GPR39: variants seen among roughly 807,000 people sequenced by gnomAD.
GPR39 encodes zinc sensing receptor.
Under a neutral mutation model 18.4 loss-of-function variants are expected in GPR39, and 23 were observed. That is an observed-to-expected ratio of 1.25 (90% CI 0.90 to 1.77). The LOEUF is 1.77. GPR39 is among the 40% of genes most tolerant of loss of function. The pLI is 0.00. For synonymous variants in GPR39, 280 were observed against 257.9 expected (o/e 1.09, Z -0.82); for missense variants, 647 against 602.4 (o/e 1.07, Z -0.78).
At chr2:132,534,852 G>C (rs1003636276) in intron 1 of GPR39, among the ~76,000 whole-genome samples, 2 of 152,022 alleles carry the variant, frequency 1.3e-5, no homozygotes, top group African/African-American at 4.8e-5. Context: ...GGTTGGGGGA[G>C]GAGGGAGGGT....
At chr2:132,594,520 A>G (rs887860356) in intron 1 of GPR39, among the ~76,000 whole-genome samples, 2 of 151,958 alleles carry the variant, frequency 1.3e-5, no homozygotes, top group African/African-American at 4.8e-5. Context: ...ACACATAGTA[A>G]ATGTTCACTA....
chr2:132,575,575 A>G (rs1483891344), intron 1 of GPR39, among the ~76,000 whole-genome samples: 1 of 152,216 alleles, frequency 6.6e-6, no homozygotes, highest in Admixed American at 6.5e-5. Flanking sequence ...CTAGCAATGT[A>G]TGAGGGACAC....
chr2:132,561,282 T>G (rs1040583706), intron 1 of GPR39, among the ~76,000 whole-genome samples: 3 of 152,070 alleles, frequency 2.0e-5, no homozygotes, highest in Non-Finnish European at 2.9e-5. Context: ...TCCTCCTGGG[T>G]CCCACTCCAG....
At chr2:132,462,106 G>A (rs1057181632) in intron 1 of GPR39, among the ~76,000 whole-genome samples, 1 of 152,174 alleles carries the variant, frequency 6.6e-6, no homozygotes, top group South Asian at 2.1e-4. Context: ...CCTGGCCTAG[G>A]TTTCTGGAGA....
At chr2:132,420,620 CAT>C (rs1456392286) in intron 1 of GPR39, among the ~76,000 whole-genome samples, 3 of 152,116 alleles carry the variant, frequency 2.0e-5, no homozygotes, top group African/African-American at 4.8e-5. Context: ...TAAATGGCGA[CAT>C]ATCACAAGTA....
intron 1 of GPR39, among the ~76,000 whole-genome samples, chr2:132,497,221 T>C (rs2104800785): frequency 6.6e-6 from 1 of 152,272 alleles, no homozygotes; most frequent in East Asian, 1.9e-4. Context: ...TAATTCCAAA[T>C]AACCAACATG....
chr2:132,498,938 T>C (rs897762841), intron 1 of GPR39, among the ~76,000 whole-genome samples: 4 of 152,192 alleles, frequency 2.6e-5, no homozygotes, highest in African/African-American at 9.6e-5. Flanking sequence ...CTGATTTGAG[T>C]TCTCTATAGA....
At chr2:132,453,599 CTTTTAGG>C (rs1374423419) in intron 1 of GPR39, among the ~76,000 whole-genome samples, 1 of 151,972 alleles carries the variant, frequency 6.6e-6, no homozygotes. Flanking sequence ...TCTTCTAGTG[CTTTTAGG>C]TTTTAGGTCT....
At chr2:132,436,025 AC>A (rs1680312974) in intron 1 of GPR39, among the ~76,000 whole-genome samples, 1 of 152,076 alleles carries the variant, frequency 6.6e-6, no homozygotes, top group Non-Finnish European at 1.5e-5. Flanking sequence ...CCTCTGAAAG[AC>A]TCTCAGGTGG....
intron 1 of GPR39, among the ~76,000 whole-genome samples, chr2:132,491,211 C>A (rs62167447): frequency 6.6e-6 from 1 of 152,006 alleles, no homozygotes; most frequent in South Asian, 2.1e-4. Context: ...AAGTATCTTT[C>A]GAACTAAACC....
At chr2:132,484,986 G>A (rs1048762994) in intron 1 of GPR39, among the ~76,000 whole-genome samples, 2 of 152,120 alleles carry the variant, frequency 1.3e-5, no homozygotes, top group African/African-American at 4.8e-5. Flanking sequence ...CATATTTTGG[G>A]GGCAAAATTG....
intron 1 of GPR39, among the ~76,000 whole-genome samples, chr2:132,448,417 C>T (rs1463926017): frequency 6.6e-6 from 1 of 152,186 alleles, no homozygotes; most frequent in Non-Finnish European, 1.5e-5. Flanking sequence ...TTCACTTAGG[C>T]ACATGCAGAG....
At chr2:132,503,412 G>C (rs1679082222) in intron 1 of GPR39, among the ~76,000 whole-genome samples, 1 of 152,224 alleles carries the variant, frequency 6.6e-6, no homozygotes, top group African/African-American at 2.4e-5. Context: ...AAAGAGTCCT[G>C]TGATATGACC....
intron 1 of GPR39, among the ~76,000 whole-genome samples, chr2:132,458,038 C>T (rs780616223): frequency 1.3e-4 from 20 of 152,344 alleles, no homozygotes; most frequent in Non-Finnish European, 2.1e-4. Context: ...TAGTCTGTCA[C>T]GGCTTCCCTT....
chr2:132,447,510 C>T (rs543624316), intron 1 of GPR39, among the ~76,000 whole-genome samples: 1 of 152,312 alleles, frequency 6.6e-6, no homozygotes, highest in South Asian at 2.1e-4. Context: ...CTGCTAGGCT[C>T]ACCGTGGTCC....
chr2:132,634,041 G>C (rs544161309), intron 1 of GPR39, among the ~76,000 whole-genome samples: 1 of 148,244 alleles, frequency 6.7e-6, no homozygotes, highest in Admixed American at 6.6e-5. Context: ...AGGGGTGGAG[G>C]TGATGATGAT....
intron 1 of GPR39, among the ~76,000 whole-genome samples, chr2:132,565,226 T>C (rs1199417556): frequency 1.3e-5 from 2 of 152,166 alleles, no homozygotes; most frequent in East Asian, 1.9e-4. Flanking sequence ...GATTCCAGTA[T>C]TTAGCCAAGT....
intron 1 of GPR39, among the ~76,000 whole-genome samples, chr2:132,599,958 C>T (rs1681010829): frequency 6.6e-6 from 1 of 152,194 alleles, no homozygotes; most frequent in Non-Finnish European, 1.5e-5. Flanking sequence ...TTCTTAGATA[C>T]TGGGTGTCTA....
At chr2:132,540,260 A>C (rs1679838587) in intron 1 of GPR39, among the ~76,000 whole-genome samples, 1 of 152,148 alleles carries the variant, frequency 6.6e-6, no homozygotes, top group African/African-American at 2.4e-5. Context: ...GCTTGACAGC[A>C]GGGGCTCTCC....
Sources: gnomAD v4.1 joint callset for allele counts (sites outside exome capture counted in the v4.1 genomes callset) on GRCh38, gnomAD v4.1.1 for gene constraint, MANE v1.5 for transcripts, NCBI Gene and HGNC (gene_info 2026-07-23, HGNC 2026-07-21) for gene names.